Variants in VPS54 observed in about 807,000 individuals in gnomAD.
VPS54 encodes VPS54 subunit of GARP complex, also known as vacuolar protein sorting-associated protein 54.
A neutral mutation model predicts 121.5 loss-of-function variants in VPS54; 45 were observed. That is an observed-to-expected ratio of 0.37 (90% CI 0.29 to 0.47). The LOEUF is 0.47. VPS54 is among the 20% of genes least tolerant of loss of function. The pLI, the probability that VPS54 is intolerant of heterozygous loss-of-function variation, is 0.99. For missense variants in VPS54, 1,090 were observed against 1,131.4 expected (o/e 0.96, Z 0.52); for synonymous variants, 371 against 385.8 (o/e 0.96, Z 0.45).
chr2:64,011,147 A>G (rs537131347), intron 1 of VPS54, among the ~76,000 whole-genome samples: 5 of 152,386 alleles, frequency 3.3e-5, no homozygotes, highest in Non-Finnish European at 5.9e-5. Context: ...TGATATCTTT[A>G]TCAGGAAGAA....
intron 7 of VPS54, among the ~76,000 whole-genome samples, chr2:63,951,529 G>C (rs1675244119): frequency 6.6e-6 from 1 of 152,072 alleles, no homozygotes; most frequent in Non-Finnish European, 1.5e-5. Context: ...ACAGGAGGTG[G>C]TTATGAAATT....
intron 1 of VPS54, among the ~76,000 whole-genome samples, chr2:63,986,657 G>A (rs77041547): frequency 0.027 from 4,035 of 152,126 alleles, 175 homozygotes; most frequent in African/African-American, 0.093. Flanking sequence ...TCAGTTTTTC[G>A]AGGGACCTCC....
intron 1 of VPS54, among the ~76,000 whole-genome samples, chr2:63,992,242 A>G (rs1191624906): frequency 1.3e-5 from 2 of 152,254 alleles, no homozygotes; most frequent in East Asian, 1.9e-4. Flanking sequence ...AAGGCCGCTT[A>G]TTGGATTAAT....
intron 1 of VPS54, among the ~76,000 whole-genome samples, chr2:64,004,429 G>A (rs1049055397): frequency 3.3e-5 from 5 of 152,182 alleles, no homozygotes; most frequent in South Asian, 2.1e-4. Context: ...AGGGGAAAAT[G>A]TATCTTTAAA....
rs1678865007 is a variant in VPS54 at position 64,019,257 on chromosome 2, C to T, written c.-340G>A. On this transcript the variant is annotated 5_prime_UTR_variant, in exon 1 of 23. Coordinates refer to ENST00000272322, the MANE Select transcript of VPS54 (RefSeq NM_016516.3). ...CTCCGCCGCTGCTGCCACCGCCTCTCCCACATCCCCGGCCTCCAGGGGAGC... is the reference window on the plus strand; with the variant it reads ...CTCCGCCGCTGCTGCCACCGCCTCTTCCACATCCCCGGCCTCCAGGGGAGC... Among the ~76,000 whole-genome samples, 1 of 150,342 alleles carries T rather than the reference C, an allele frequency of 6.7e-6. No individual in the cohort carries two copies. Among genetic ancestry groups the T allele is most frequent in the African/African-American group, 2.4e-5 (1 of 41,298 alleles).
In VPS54 at chr2:63,972,206, A is replaced by C. The variant is rs1676317346; in HGVS notation, c.417T>G (p.Pro139=). The part of the protein sequence containing the change: ...KIHERCKNIC[P]PKDTFERTLL... ...GAGTCCTTTCGAAGGTATCTTTAGG[A>C]GGACAAATATTCTTGCATCTCTCAT... The change falls in exon 4 of 23, where the codon CCT becomes CCG. Residue 139 remains proline (P), a synonymous_variant. Transcript: ENST00000272322. The C allele has an allele frequency of 6.3e-7, 1 of 1,596,588 alleles. No homozygotes were observed.
At chr2:64,000,188 C>T (rs984169215) in intron 1 of VPS54, among the ~76,000 whole-genome samples, 2 of 152,156 alleles carry the variant, frequency 1.3e-5, no homozygotes, top group Non-Finnish European at 2.9e-5. Flanking sequence ...CATTATGATG[C>T]ATTCTTCAGT....
At chr2:64,010,483 C>T (rs905572501) in intron 1 of VPS54, among the ~76,000 whole-genome samples, 8 of 152,184 alleles carry the variant, frequency 5.3e-5, no homozygotes, top group African/African-American at 1.9e-4. Flanking sequence ...CCTTTCTCCA[C>T]CACCTTTTCT....
At chr2:63,939,708 A>T (rs998869304) in intron 11 of VPS54, among the ~76,000 whole-genome samples, 2 of 151,972 alleles carry the variant, frequency 1.3e-5, no homozygotes, top group Non-Finnish European at 2.9e-5. Flanking sequence ...TAAAAGGGTT[A>T]AAAAAAATTC....
At chr2:63,994,061 G>A (rs35960986) in intron 1 of VPS54, among the ~76,000 whole-genome samples, 22,997 of 152,028 alleles carry the variant, frequency 0.15, 2,000 homozygotes, top group Middle Eastern at 0.22. Flanking sequence ...GTCAAAAACC[G>A]CCCTCAGATG....
At chr2:63,929,958 A>T (rs1674108237) in intron 12 of VPS54, among the ~76,000 whole-genome samples, 1 of 152,190 alleles carries the variant, frequency 6.6e-6, no homozygotes. Context: ...CCAAGACTAA[A>T]CCAGGAAGAA....
rs761823352 is a variant in VPS54, at chr2:63,970,203, AT to A, written c.458-1213del. 7.9e-4 allele frequency among the ~76,000 whole-genome samples: 47 copies of A among 59,268 alleles called. 1 individual carries two copies. Among genetic ancestry groups the A allele is most frequent in the South Asian group, 3.7e-3 (10 of 2,684 alleles). 38.9% of individuals were successfully genotyped at this position (59,268 alleles called of 152,430 possible). A position where few individuals can be genotyped will look rare whatever the true frequency, so the allele number is the denominator to read the frequency against. On this transcript the variant is annotated intron_variant, in intron 4 of 22. Coordinates refer to ENST00000272322, the MANE Select transcript of VPS54 (RefSeq NM_016516.3). The stretch of plus-strand genomic sequence containing the variant: ...CTCAGTTCTTTCCCATTAAAAAAAA[AT>A]ATATATATACACACACACACACACA...
chr2:63,912,710 G>A (rs1307569414), intron 18 of VPS54, 49 bp from the exon 19 acceptor site: 3 of 1,504,532 alleles, frequency 2.0e-6, no homozygotes, highest in Non-Finnish European at 1.8e-6. Context: ...AAAAAAAAAA[G>A]GTATTAGTTG....
rs566982409 is a variant in VPS54 at position 63,916,212 on chromosome 2, A to G, written c.2228+688T>C. The stretch of plus-strand genomic sequence containing the variant: ...GTAGTTGTAAAGATCAAATGAGATC[A>G]CATATATATGAAAACACTTAAGCTG... On this transcript the variant is annotated intron_variant, in intron 16 of 22. Transcript: ENST00000272322. Among the ~76,000 whole-genome samples the G allele has an allele frequency of 2.0e-5, 3 of 152,314 alleles. No individual in the cohort carries two copies. In the East Asian group the frequency reaches 5.8e-4, roughly 29 times the overall value.
At chr2:63,894,124 T>TC (rs1431447596) in intron 22 of VPS54, among the ~76,000 whole-genome samples, 1 of 152,058 alleles carries the variant, frequency 6.6e-6, no homozygotes, top group Non-Finnish European at 1.5e-5. Flanking sequence ...GGTACTACTA[T>TC]CCCCCATCAG....
intron 11 of VPS54, among the ~76,000 whole-genome samples, chr2:63,935,813 A>G (rs919828191): frequency 6.6e-5 from 10 of 152,198 alleles, no homozygotes; most frequent in African/African-American, 2.4e-4. Flanking sequence ...AATCAATTAA[A>G]GCCAAGGACT....
chr2:63,989,859 A>G (rs1386288094), intron 1 of VPS54, among the ~76,000 whole-genome samples: 2 of 152,184 alleles, frequency 1.3e-5, no homozygotes, highest in Non-Finnish European at 2.9e-5. Context: ...GCAACCTTAG[A>G]TGTGGACCTG....
intron 1 of VPS54, among the ~76,000 whole-genome samples, chr2:64,014,099 A>G (rs1678572863): frequency 6.6e-6 from 1 of 150,820 alleles, no homozygotes; most frequent in Non-Finnish European, 1.5e-5. Flanking sequence ...AGAAATCTAG[A>G]AGGAAATGAG....
chr2:63,900,220 C>CAAAAA lies in VPS54; in HGVS notation c.2626-644_2626-640dup, dbSNP rs70965149. 2.3e-3 allele frequency among the ~76,000 whole-genome samples: 148 copies of CAAAAA among 63,162 alleles called. 2 individuals are homozygous for CAAAAA. The highest frequency in any genetic ancestry group is 2.4e-3 in the Non-Finnish European group (88 of 37,120). 41.4% of individuals were successfully genotyped at this position (63,162 alleles called of 152,430 possible). ...GGGCGACAAGAGTGAAACTCTGTCTCAAAAAAAAAAAAAAAAAAAAAAAAG... is the reference window on the plus strand; with the variant it reads ...GGGCGACAAGAGTGAAACTCTGTCTCAAAAAAAAAAAAAAAAAAAAAAAAAAAAAG... On this transcript the variant is annotated intron_variant, in intron 20 of 22. Coordinates refer to ENST00000272322, the MANE Select transcript of VPS54 (RefSeq NM_016516.3).
Sources: gnomAD v4.1 joint callset for allele counts (sites outside exome capture counted in the v4.1 genomes callset) on GRCh38, gnomAD v4.1.1 for gene constraint, MANE v1.5 for transcripts, NCBI Gene and HGNC (gene_info 2026-07-23, HGNC 2026-07-21) for gene names.